The following RGS8 variants were observed in gnomAD, a reference collection of about 807,000 sequenced individuals.
RGS8 encodes the protein regulator of G protein signaling 8.
In RGS8, 8 loss-of-function variants were observed where a neutral mutation model predicts 21.7. The observed-to-expected ratio is 0.37, with a 90% CI of 0.22 to 0.66. The LOEUF (loss-of-function observed/expected upper bound fraction) is 0.66, where lower values mean the gene tolerates loss of function less well. Among genes scored for constraint, RGS8 ranks in the 30% least tolerant of loss-of-function variants. The probability of loss-of-function intolerance (pLI) is 0.59; values close to 1 mark genes in which losing one functional copy is unlikely to be tolerated. For missense variants in RGS8, 157 were observed against 217.9 expected (o/e 0.72, Z 1.76); for synonymous variants, 80 against 83.6 (o/e 0.96, Z 0.24).
At chr1:182,704,428 G>A in the RGS8 span, among the ~76,000 whole-genome samples, 3 of 152,064 alleles carry the variant, frequency 2.0e-5, no homozygotes, top group Non-Finnish European at 2.9e-5. Flanking sequence ...CTCTATTCCC[G>A]GAATCTGCAT....
chr1:182,665,913 A>C (rs540675691), intron 5 of RGS8, 56 bp downstream of exon 6: 17 of 1,479,544 alleles, frequency 1.1e-5, no homozygotes, highest in Non-Finnish European at 1.4e-5. Flanking sequence ...CCTTTGGTAC[A>C]TCTCTCACTA....
At chr1:182,733,118 C>T in the RGS8 span, among the ~76,000 whole-genome samples, 59 of 152,304 alleles carry the variant, frequency 3.9e-4, no homozygotes, top group African/African-American at 1.1e-3. Context: ...GTGAGTGAAG[C>T]GAATGGATTT....
chr1:182,649,905 CTTTTT>C (rs920729497), intron 5 of RGS8, among the ~76,000 whole-genome samples: 2 of 128,520 alleles, frequency 1.6e-5, no homozygotes. Flanking sequence ...GTTAACAACT[CTTTTT>C]TTTTTTTTTT....
the RGS8 span, among the ~76,000 whole-genome samples, chr1:182,694,614 C>A: frequency 6.6e-6 from 1 of 152,120 alleles, no homozygotes; most frequent in Admixed American, 6.5e-5. Flanking sequence ...CGTGACCAGC[C>A]TGGCCAACAT....
intron 5 of RGS8, among the ~76,000 whole-genome samples, chr1:182,665,338 C>T (rs1436367398): frequency 6.6e-6 from 1 of 152,114 alleles, no homozygotes. Flanking sequence ...CTCCACACCA[C>T]AATATGCACA....
At chr1:182,663,249 CT>C (rs745681408) in intron 5 of RGS8, among the ~76,000 whole-genome samples, 1 of 152,198 alleles carries the variant, frequency 6.6e-6, no homozygotes, top group African/African-American at 2.4e-5. Flanking sequence ...ATTAATTAGA[CT>C]TTCAGAAAGT....
intron 5 of RGS8, among the ~76,000 whole-genome samples, chr1:182,658,820 C>T (rs557048915): frequency 6.6e-6 from 1 of 152,242 alleles, no homozygotes; most frequent in African/African-American, 2.4e-5. Flanking sequence ...GCACTCCAGC[C>T]CCGGCAACAG....
At chr1:182,699,020 T>C in the RGS8 span, among the ~76,000 whole-genome samples, 63 of 152,282 alleles carry the variant, frequency 4.1e-4, no homozygotes, top group Non-Finnish European at 7.4e-4. Flanking sequence ...AAGCTATTTA[T>C]TTGGAAGAAA....
chr1:182,718,487 G>A, the RGS8 span, among the ~76,000 whole-genome samples: 1 of 152,208 alleles, frequency 6.6e-6, no homozygotes, highest in Admixed American at 6.5e-5. Context: ...ACTTCCTGAA[G>A]CAGCCAGGCA....
At chr1:182,729,359 A>G in the RGS8 span, among the ~76,000 whole-genome samples, 1 of 152,196 alleles carries the variant, frequency 6.6e-6, no homozygotes, top group Non-Finnish European at 1.5e-5. Context: ...TCCAATATAG[A>G]TATCTCTTTC....
intron 5 of RGS8, among the ~76,000 whole-genome samples, chr1:182,657,789 G>C (rs1390080806): frequency 6.6e-6 from 1 of 152,196 alleles, no homozygotes; most frequent in African/African-American, 2.4e-5. Flanking sequence ...ATGCAGGCCT[G>C]ACACATAGAC....
exon 3 of RGS8, chr1:182,669,730 T>C (rs1664060007): frequency 1.2e-6 from 2 of 1,607,022 alleles, no homozygotes; most frequent in African/African-American, 2.7e-5. Context: ...GGCTCAGGAA[T>C]TTACCCTTGC....
chr1:182,660,079 A>C (rs1376858565), intron 5 of RGS8, among the ~76,000 whole-genome samples: 1 of 152,230 alleles, frequency 6.6e-6, no homozygotes, highest in African/African-American at 2.4e-5. Context: ...ATGTTTTCTC[A>C]AAGAATTTAA....
the RGS8 span, among the ~76,000 whole-genome samples, chr1:182,697,495 C>G: frequency 6.6e-6 from 1 of 152,200 alleles, no homozygotes; most frequent in African/African-American, 2.4e-5. Context: ...AATAAAAGAA[C>G]CCCTTCGGCT....
At chr1:182,661,802 A>G (rs1252370420) in intron 5 of RGS8, among the ~76,000 whole-genome samples, 1 of 144,970 alleles carries the variant, frequency 6.9e-6, no homozygotes, top group Non-Finnish European at 1.5e-5. Flanking sequence ...CTGAGTGTAC[A>G]CACATTCACA....
chr1:182,724,246 A>ATATATATATATATATATATATATC, the RGS8 span, among the ~76,000 whole-genome samples: 1 of 107,170 alleles, frequency 9.3e-6, no homozygotes, highest in African/African-American at 3.6e-5. Flanking sequence ...ATATATATAT[A>ATATATATATATATATATATATATC]TCCTATTATT....
At chr1:182,741,991 G>A in the RGS8 span, among the ~76,000 whole-genome samples, 21 of 146,758 alleles carry the variant, frequency 1.4e-4, no homozygotes, top group East Asian at 4.1e-4. Flanking sequence ...CAGACGGGGC[G>A]GTTGCCAGGC....
the RGS8 span, among the ~76,000 whole-genome samples, chr1:182,718,815 T>C: frequency 6.6e-6 from 1 of 152,198 alleles, no homozygotes; most frequent in Non-Finnish European, 1.5e-5. Context: ...TAAATAAAAC[T>C]GGGTCATCTT....
upstream of RGS8, among the ~76,000 whole-genome samples, chr1:182,677,365 T>C (rs1250812531): frequency 6.6e-6 from 1 of 152,256 alleles, no homozygotes; most frequent in Non-Finnish European, 1.5e-5. Flanking sequence ...GAGCCACTTT[T>C]ATCATTATTC....
Sources: gnomAD v4.1 joint callset for allele counts (sites outside exome capture counted in the v4.1 genomes callset) on GRCh38, gnomAD v4.1.1 for gene constraint, MANE v1.5 for transcripts, NCBI Gene and HGNC (gene_info 2026-07-23, HGNC 2026-07-21) for gene names.